Variants in RARB observed in about 807,000 individuals in gnomAD.
RARB encodes retinoic acid receptor beta.
A neutral mutation model predicts 51.9 loss-of-function variants in RARB; 17 were observed. The observed-to-expected ratio is 0.33, with a 90% CI of 0.22 to 0.49. The LOEUF (loss-of-function observed/expected upper bound fraction) is 0.49, where lower values mean the gene tolerates loss of function less well. Among genes scored for constraint, RARB ranks in the 20% least tolerant of loss-of-function variants. The pLI, the probability that RARB is intolerant of heterozygous loss-of-function variation, is 0.99. For synonymous variants in RARB, 215 were observed against 195.4 expected (o/e 1.10, Z -0.84); for missense variants, 369 against 550.8 (o/e 0.67, Z 3.30).
chr3:25,456,442 T>A (rs1445681081), intron 1 of RARB, among the ~76,000 whole-genome samples: 2 of 151,694 alleles, frequency 1.3e-5, no homozygotes. Context: ...TGCATTAAAG[T>A]ACAAATCTTT....
At chr3:24,860,664 CTT>C (rs777590682) in intron 2 of RARB, among the ~76,000 whole-genome samples, 105 of 152,250 alleles carry the variant, frequency 6.9e-4, no homozygotes, top group Non-Finnish European at 1.3e-3. Flanking sequence ...TGCATGCAGT[CTT>C]TAAATTTCTT....
chr3:24,922,255 T>C (rs190802235), intron 2 of RARB, among the ~76,000 whole-genome samples: 1 of 152,314 alleles, frequency 6.6e-6, no homozygotes, highest in East Asian at 1.9e-4. Context: ...GAGGTAATGT[T>C]TGTAAAATGT....
At chr3:25,585,170 C>T (rs1701336797) in intron 5 of RARB, among the ~76,000 whole-genome samples, 1 of 152,186 alleles carries the variant, frequency 6.6e-6, no homozygotes, top group Non-Finnish European at 1.5e-5. Flanking sequence ...AGCTTCCTTT[C>T]AGGCTCTAGA....
chr3:25,127,968 G>C (rs1228351691), intron 3 of RARB, among the ~76,000 whole-genome samples: 2 of 152,068 alleles, frequency 1.3e-5, no homozygotes, highest in Non-Finnish European at 2.9e-5. Flanking sequence ...TCCTAATGAA[G>C]TTCCTCCACT....
chr3:25,308,065 A>T (rs1704195625), intron 5 of RARB, among the ~76,000 whole-genome samples: 1 of 152,180 alleles, frequency 6.6e-6, no homozygotes, highest in Non-Finnish European at 1.5e-5. Context: ...CCCCTAAATT[A>T]TGGTGCCCAT....
intron 2 of RARB, among the ~76,000 whole-genome samples, chr3:25,017,940 C>T (rs1004236759): frequency 2.0e-5 from 3 of 152,128 alleles, no homozygotes; most frequent in African/African-American, 7.2e-5. Flanking sequence ...TTGTCCCTTC[C>T]ACCATATGTG....
At chr3:25,356,367 C>T (rs913709478) in intron 5 of RARB, among the ~76,000 whole-genome samples, 1 of 152,010 alleles carries the variant, frequency 6.6e-6, no homozygotes, top group African/African-American at 2.4e-5. Context: ...GTTTTATTTA[C>T]ATTAAATATT....
At chr3:25,132,117 C>G (rs1699963088) in intron 3 of RARB, among the ~76,000 whole-genome samples, 1 of 151,852 alleles carries the variant, frequency 6.6e-6, no homozygotes, top group South Asian at 2.1e-4. Flanking sequence ...TGAAAAGAAC[C>G]TAAGCGATGA....
At chr3:24,901,279 C>T (rs1029470122) in intron 2 of RARB, among the ~76,000 whole-genome samples, 8 of 152,154 alleles carry the variant, frequency 5.3e-5, no homozygotes, top group Admixed American at 3.3e-4. Context: ...AGGAGTATTA[C>T]GGGTGGACAT....
chr3:25,195,104 T>G (rs992215904), intron 5 of RARB, among the ~76,000 whole-genome samples: 8 of 152,046 alleles, frequency 5.3e-5, no homozygotes, highest in African/African-American at 1.9e-4. Context: ...GCAAAAGACA[T>G]TTCATGGTAC....
At position 24,963,755 on chromosome 3, in the gene RARB, T is replaced by C. The variant is rs143233072; in HGVS notation, c.-379-96370T>C. Among the ~76,000 whole-genome samples the C allele has an allele frequency of 4.6e-3, 705 of 152,124 alleles. 6 individuals carry two copies. The highest frequency in any genetic ancestry group is 0.016 in the African/African-American group (652 of 41,524). On this transcript the variant is annotated intron_variant, in intron 2 of 11. Coordinates refer to the RARB transcript ENST00000383772. ...ATGCTTTCAGTCACAGGAATGCACCTGTGAGAAAATACCTAATACAATTAG... is the reference window on the plus strand; with the variant it reads ...ATGCTTTCAGTCACAGGAATGCACCCGTGAGAAAATACCTAATACAATTAG...
intron 5 of RARB, among the ~76,000 whole-genome samples, chr3:25,220,472 C>G (rs896190025): frequency 6.6e-6 from 1 of 152,102 alleles, no homozygotes; most frequent in Non-Finnish European, 1.5e-5. Flanking sequence ...GTGTCCCCAC[C>G]CAAATCTCAA....
intron 2 of RARB, among the ~76,000 whole-genome samples, chr3:25,035,110 C>T (rs1051462706): frequency 2.0e-5 from 3 of 152,100 alleles, no homozygotes; most frequent in Non-Finnish European, 4.4e-5. Context: ...ATGTCAGGTA[C>T]TGTTAACTGC....
chr3:25,347,889 C>T (rs958881198), intron 5 of RARB, among the ~76,000 whole-genome samples: 1 of 152,178 alleles, frequency 6.6e-6, no homozygotes, highest in Admixed American at 6.5e-5. Flanking sequence ...GGAGTATGTA[C>T]AGCCCTGGTA....
chr3:25,397,291 C>T (rs1378000147), intron 5 of RARB, among the ~76,000 whole-genome samples: 1 of 152,094 alleles, frequency 6.6e-6, no homozygotes, highest in Non-Finnish European at 1.5e-5. Context: ...AGGTTAAATC[C>T]TTCTCCCATG....
chr3:24,955,171 A>C (rs1695983104), intron 2 of RARB, among the ~76,000 whole-genome samples: 1 of 152,150 alleles, frequency 6.6e-6, no homozygotes, highest in African/African-American at 2.4e-5. Flanking sequence ...GGCTCTCAGC[A>C]GAAGGGGAGC....
rs114126968 is a variant in RARB, at chr3:24,950,300, T to C, written c.-380+91548T>C. Among the ~76,000 whole-genome samples, 1,067 of 152,348 alleles carry C rather than the reference T, an allele frequency of 7.0e-3. 15 individuals are homozygous for C. Among genetic ancestry groups the C allele is most frequent in the African/African-American group, 0.024 (1,015 of 41,570 alleles). On this transcript the variant is annotated intron_variant, in intron 2 of 11. Coordinates refer to the RARB transcript ENST00000383772. ...CATTTCAAAATGCCCTATTTTGTATTTAATTTCACCATCTCATATAAAATA... is the reference window on the plus strand; with the variant it reads ...CATTTCAAAATGCCCTATTTTGTATCTAATTTCACCATCTCATATAAAATA...
chr3:25,188,261 C>A (rs537833840), intron 5 of RARB, among the ~76,000 whole-genome samples: 1 of 152,168 alleles, frequency 6.6e-6, no homozygotes, highest in South Asian at 2.1e-4. Flanking sequence ...TCATTGAATA[C>A]TCATTGCTCA....
intron 2 of RARB, among the ~76,000 whole-genome samples, chr3:24,972,149 C>T (rs1696413798): frequency 6.6e-6 from 1 of 151,974 alleles, no homozygotes; most frequent in Non-Finnish European, 1.5e-5. Context: ...CTACCTTCCT[C>T]CCTACGCTTT....
Sources: gnomAD v4.1 joint callset for allele counts (sites outside exome capture counted in the v4.1 genomes callset) on GRCh38, gnomAD v4.1.1 for gene constraint, MANE v1.5 for transcripts, NCBI Gene and HGNC (gene_info 2026-07-23, HGNC 2026-07-21) for gene names.